The following SLC33A1 variants were observed in gnomAD, a reference collection of about 807,000 sequenced individuals.
SLC33A1 encodes the protein acetyl-coenzyme A transporter 1.
SLC33A1 carries 20 observed loss-of-function variants against 50.0 expected under a neutral mutation model. The observed-to-expected ratio is 0.40, with a 90% CI of 0.28 to 0.58. The LOEUF (loss-of-function observed/expected upper bound fraction) is 0.58, where lower values mean the gene tolerates loss of function less well. Ranked by LOEUF, SLC33A1 falls within the 20% of genes least tolerant of loss-of-function variation. The pLI is 0.44. For missense variants in SLC33A1, 476 were observed against 657.0 expected, an observed-to-expected ratio of 0.72 and a Z score of 3.01; for synonymous variants, 265 against 251.8, an observed-to-expected ratio of 1.05 and a Z score of -0.50.
At chr3:155,840,429 T>C (rs1227760670) in intron 2 of SLC33A1, among the ~76,000 whole-genome samples, 1 of 151,940 alleles carries the variant, frequency 6.6e-6, no homozygotes, top group Non-Finnish European at 1.5e-5. Context: ...AATCATATAA[T>C]TAGATAATAT....
At chr3:155,847,613 T>C (rs1753224187) in intron 1 of SLC33A1, among the ~76,000 whole-genome samples, 1 of 151,964 alleles carries the variant, frequency 6.6e-6, no homozygotes, top group Non-Finnish European at 1.5e-5. Flanking sequence ...GTGGGCATTG[T>C]GGCGTGTGCC....
chr3:155,850,447 AT>A (rs1221925418), intron 1 of SLC33A1, among the ~76,000 whole-genome samples: 4 of 151,658 alleles, frequency 2.6e-5, no homozygotes, highest in African/African-American at 9.8e-5. Context: ...TGGAAACTAA[AT>A]TGCTAATTAG....
Position 155,842,563 on chromosome 3 carries a change from G to A in SLC33A1, c.832C>T (p.Leu278=), listed in dbSNP as rs755080609. ...FLITTTLVAL[L]KKENEVSVVK... ...ACTGATACTTCGTTTTCTTTTTTCAGAAGGGCAACCAATGTTGTTGTTATT... is the reference window on the plus strand; with the variant it reads ...ACTGATACTTCGTTTTCTTTTTTCAAAAGGGCAACCAATGTTGTTGTTATT... The change falls in exon 2 of 6, where the codon CTG becomes TTG. Residue 278 remains leucine (L), a synonymous_variant. Coordinates refer to ENST00000643144, the MANE Select transcript of SLC33A1 (RefSeq NM_004733.4). 6.2e-7 allele frequency: 1 copy of A among 1,602,228 alleles called. No individual in the cohort carries two copies. The highest frequency in any genetic ancestry group is 8.5e-7 in the Non-Finnish European group (1 of 1,172,824).
intron 1 of SLC33A1, among the ~76,000 whole-genome samples, chr3:155,850,329 T>C (rs552575824): frequency 1.5e-4 from 23 of 152,272 alleles, no homozygotes; most frequent in Non-Finnish European, 1.8e-4. Flanking sequence ...TTTATGTGTC[T>C]GCTTTTCATT....
Position 155,853,582 on chromosome 3 carries a change from C to T in SLC33A1, c.416G>A (p.Arg139His). 6.2e-7 allele frequency: 1 copy of T among 1,614,168 alleles called. No individual in the cohort carries two copies. The highest frequency in any genetic ancestry group is 8.5e-7 in the Non-Finnish European group (1 of 1,180,032). Residue 139 changes from arginine to histidine, a missense_variant, in exon 1 of 6, where the codon CGT becomes CAT. Transcript: ENST00000643144. ...VDAVYVKNFG[R>H]RKSWLVPTQY... ...TGTCGGGACAAGCCAAGATTTGCGACGACCGAAGTTCTTAACGTAGACCGC... is the reference window on the plus strand; with the variant it reads ...TGTCGGGACAAGCCAAGATTTGCGATGACCGAAGTTCTTAACGTAGACCGC...
rs1752167801 is a variant in SLC33A1 at position 155,824,925 on chromosome 3, T to C, written c.*3285A>G. 6.6e-6 allele frequency: 1 copy of C among 152,142 alleles called. No homozygotes were observed. The highest frequency in any genetic ancestry group is 1.5e-5 in the Non-Finnish European group (1 of 68,024). The allele number at this position is 152,142 out of a possible 1,614,324, so 9.4% of individuals were successfully genotyped here. On this transcript the variant is annotated 3_prime_UTR_variant, in exon 6 of 6. Transcript: ENST00000643144. The stretch of plus-strand genomic sequence containing the variant: ...GGTGTTGAATAAACTTTTTATGACT[T>C]ATCAGGCAAAATTAAAATATTTATC...
chr3:155,839,913 C>A (rs1448199622), intron 2 of SLC33A1, among the ~76,000 whole-genome samples: 1 of 151,384 alleles, frequency 6.6e-6, no homozygotes, highest in Non-Finnish European at 1.5e-5. Context: ...CCACTGTACT[C>A]CAGCCTAGGC....
chr3:155,838,870 C>T lies in SLC33A1; in HGVS notation c.963+3562G>A, dbSNP rs377424699. On this transcript the variant is annotated intron_variant, in intron 2 of 5. Transcript: ENST00000643144. ...ATCTTAAAAAAAATAAAAAATAGGC[C>T]GGGTGCGGTGGCTCACGCCTGTAAT... Among the ~76,000 whole-genome samples, 570 of 151,674 alleles carry T rather than the reference C, an allele frequency of 3.8e-3. 2 individuals are homozygous for T. The highest frequency in any genetic ancestry group is 0.021 in the Middle Eastern group (6 of 292).
rs1752343214 is a variant in SLC33A1, at chr3:155,829,918, A to G, written c.1267-15T>C. The G allele has an allele frequency of 4.0e-6, 6 of 1,496,008 alleles. No individual in the cohort carries two copies. The highest frequency in any genetic ancestry group is 1.7e-4 in the Middle Eastern group (1 of 5,856). The allele number at this position is 1,496,008 out of a possible 1,614,324, so 92.7% of individuals were successfully genotyped here. A position where few individuals can be genotyped will look rare whatever the true frequency, so the allele number is the denominator to read the frequency against. On this transcript the variant is annotated splice_polypyrimidine_tract_variant and intron_variant, in intron 4 of 5. Coordinates refer to ENST00000643144, the MANE Select transcript of SLC33A1 (RefSeq NM_004733.4). ...TACACTGTAACCTACGGAAAAATGT[A>G]AAACATCTTTAGTATGATTATAAAG...
rs535436995 is a variant in SLC33A1, at chr3:155,827,625, T to G, written c.*585A>C. ...AAAGCAGGAAATACATTTAAAATAG[T>G]CTTTTTAACACAGATTCATTTGTAC... On this transcript the variant is annotated 3_prime_UTR_variant, in exon 6 of 6. Coordinates refer to ENST00000643144, the MANE Select transcript of SLC33A1 (RefSeq NM_004733.4). 6.6e-6 allele frequency: 1 copy of G among 152,336 alleles called. No homozygotes were observed. The highest frequency in any genetic ancestry group is 2.1e-4 in the South Asian group (1 of 4,828). 9.4% of individuals were successfully genotyped at this position (152,336 alleles called of 1,614,324 possible).
At chr3:155,848,956 A>C (rs1560022600) in intron 1 of SLC33A1, among the ~76,000 whole-genome samples, 1 of 152,114 alleles carries the variant, frequency 6.6e-6, no homozygotes, top group Non-Finnish European at 1.5e-5. Context: ...TCTGTCACCC[A>C]GGCTGGAGTG....
In SLC33A1 at chr3:155,821,168, A is replaced by G. The variant is rs2109295485; in HGVS notation, c.*7042T>C. On this transcript the variant is annotated 3_prime_UTR_variant, in exon 6 of 6. Transcript: ENST00000643144. The stretch of plus-strand genomic sequence containing the variant: ...AGGTTTAACACACATCTTTTAATAA[A>G]TTAACCAAATATAACTAACAGTTCA... 1 of 152,360 alleles carries G rather than the reference A, an allele frequency of 6.6e-6. No individual in the cohort carries two copies. The highest frequency in any genetic ancestry group is 2.1e-4 in the South Asian group (1 of 4,834). 9.4% of individuals were successfully genotyped at this position (152,360 alleles called of 1,614,324 possible). A position where few individuals can be genotyped will look rare whatever the true frequency, so the allele number is the denominator to read the frequency against.
rs1752072912 is a variant in SLC33A1, at chr3:155,821,061, G to A, written c.*7149C>T. 6.6e-6 allele frequency: 1 copy of A among 152,074 alleles called. No individual in the cohort carries two copies. The highest frequency in any genetic ancestry group is 6.5e-5 in the Admixed American group (1 of 15,276). The allele number at this position is 152,074 out of a possible 1,614,324, so 9.4% of individuals were successfully genotyped here. A position where few individuals can be genotyped will look rare whatever the true frequency, so the allele number is the denominator to read the frequency against. On this transcript the variant is annotated 3_prime_UTR_variant, in exon 6 of 6. Transcript: ENST00000643144. ...TTTATTTTTTAGAGAATCACTTTAAGCAATTAAATAACCATTTATCTAAAA... is the reference window on the plus strand; with the variant it reads ...TTTATTTTTTAGAGAATCACTTTAAACAATTAAATAACCATTTATCTAAAA...
chr3:155,843,462 C>T (rs188466178), intron 1 of SLC33A1, among the ~76,000 whole-genome samples: 140 of 152,180 alleles, frequency 9.2e-4, no homozygotes, highest in South Asian at 2.7e-3. Context: ...AGAATGAGGA[C>T]CCATGAAGAG....
chr3:155,834,115 T>C, intron 2 of SLC33A1, 74 bp from the exon 3 acceptor site: 1 of 1,137,236 alleles, frequency 8.8e-7, no homozygotes, highest in Non-Finnish European at 1.3e-6. Flanking sequence ...ATGTAAGTTC[T>C]TCAAGAACCT....
At chr3:155,844,475 T>A (rs1160317597) in intron 1 of SLC33A1, among the ~76,000 whole-genome samples, 6 of 125,104 alleles carry the variant, frequency 4.8e-5, no homozygotes, top group African/African-American at 1.5e-4. Context: ...TTTTTTTTTT[T>A]TTTTTTTTTT....
Position 155,829,775 on chromosome 3 carries a change from T to G in SLC33A1, c.1395A>C (p.Thr465=), listed in dbSNP as rs763261908. The change falls in exon 5 of 6, where the codon ACA becomes ACC. Residue 465 remains threonine (T), a synonymous_variant. Coordinates refer to ENST00000643144, the MANE Select transcript of SLC33A1 (RefSeq NM_004733.4). ...VSNLGGNWPS[T]VALWLVDPLT... is the part of the protein sequence containing the mutation. ...GGGGATCTACAAGCCAAAGAGCTAC[T>G]GTAGAAGGCCAGTTTCCTCCCAGAT... 3 of 1,614,124 alleles carry G rather than the reference T, an allele frequency of 1.9e-6. No individual in the cohort carries two copies. The highest frequency in any genetic ancestry group is 2.2e-5 in the East Asian group (1 of 44,870).
chr3:155,838,828 C>T (rs144432012), intron 2 of SLC33A1, among the ~76,000 whole-genome samples: 223 of 151,576 alleles, frequency 1.5e-3, no homozygotes, highest in Admixed American at 0.013. Flanking sequence ...CCAGTCTAGA[C>T]GACAGAGCAA....
At chr3:155,837,099 G>A (rs1752710096) in intron 2 of SLC33A1, among the ~76,000 whole-genome samples, 1 of 152,038 alleles carries the variant, frequency 6.6e-6, no homozygotes, top group Non-Finnish European at 1.5e-5. Context: ...AGTGGCTCAC[G>A]CCTGTAATCC....
Sources: allele counts gnomAD v4.1 joint callset (sites outside exome capture counted in the v4.1 genomes callset), GRCh38; gene constraint gnomAD v4.1.1; transcripts MANE v1.5; gene names NCBI Gene and HGNC (gene_info 2026-07-23, HGNC 2026-07-21).